Variants in HOMER2 observed in about 807,000 individuals in gnomAD.
HOMER2 encodes homer protein homolog 2.
Under a neutral mutation model 47.0 loss-of-function variants are expected in HOMER2, and 27 were observed. The observed-to-expected ratio is 0.57, with a 90% CI of 0.42 to 0.79. HOMER2 has a LOEUF of 0.79. Among genes scored for constraint, HOMER2 ranks in the 30% least tolerant of loss-of-function variants. The pLI is 0.00. For synonymous variants in HOMER2, 161 were observed against 163.8 expected, an observed-to-expected ratio of 0.98 and a Z score of 0.13; for missense variants, 443 against 435.0, an observed-to-expected ratio of 1.02 and a Z score of -0.16.
chr15:82,952,889 T>C (rs1337305678), upstream of HOMER2, among the ~76,000 whole-genome samples: 1 of 151,768 alleles, frequency 6.6e-6, no homozygotes, highest in Non-Finnish European at 1.5e-5. Flanking sequence ...AGCCGCGCAG[T>C]CGCCGCTTTT....
chr15:82,941,166 G>A (rs1029685708), intron 1 of HOMER2, among the ~76,000 whole-genome samples: 1 of 151,878 alleles, frequency 6.6e-6, no homozygotes, highest in African/African-American at 2.4e-5. Context: ...TTTCCTGGCT[G>A]GGTACAGTGG....
At chr15:82,893,875 C>T (rs2151102681) in intron 1 of HOMER2, among the ~76,000 whole-genome samples, 1 of 152,306 alleles carries the variant, frequency 6.6e-6, no homozygotes, top group South Asian at 2.1e-4. Flanking sequence ...GATCCTCCCA[C>T]ATTAGCCTCT....
chr15:82,936,647 G>A (rs766494456), intron 1 of HOMER2, among the ~76,000 whole-genome samples: 2 of 151,964 alleles, frequency 1.3e-5, no homozygotes, highest in African/African-American at 2.4e-5. Context: ...ATCTCAGCTC[G>A]CTGCAACCTC....
At chr15:82,893,912 T>G (rs766603930) in intron 1 of HOMER2, among the ~76,000 whole-genome samples, 4 of 152,192 alleles carry the variant, frequency 2.6e-5, no homozygotes, top group Non-Finnish European at 5.9e-5. Flanking sequence ...AATCCCAGCA[T>G]GAGCCATTAT....
At chr15:82,963,372 G>A (rs948324992) in intron 1 of HOMER2, among the ~76,000 whole-genome samples, 3 of 152,086 alleles carry the variant, frequency 2.0e-5, no homozygotes, top group South Asian at 2.1e-4. Flanking sequence ...TTACAGGCAT[G>A]AGCCACCGCA....
chr15:82,976,678 G>GTTT (rs11422973), intron 1 of HOMER2, among the ~76,000 whole-genome samples: 19 of 125,136 alleles, frequency 1.5e-4, no homozygotes, highest in Admixed American at 2.7e-4. Context: ...TTTGTGTGTG[G>GTTT]TTTTTTTTTT....
chr15:82,874,219 T>A (rs951823468), intron 3 of HOMER2, among the ~76,000 whole-genome samples: 2 of 152,302 alleles, frequency 1.3e-5, no homozygotes, highest in African/African-American at 4.8e-5. Flanking sequence ...AGCAAGGGTC[T>A]AGAGAAAAAC....
chr15:82,868,541 A>ATATATATTTTTTTTTTTTTTTTTTT, intron 3 of HOMER2, among the ~76,000 whole-genome samples: 1 of 71,290 alleles, frequency 1.4e-5, no homozygotes, highest in Non-Finnish European at 2.8e-5. Context: ...ATATATATAT[A>ATATATATTTTTTTTTTTTTTTTTTT]TTTTTTTTTT....
At chr15:82,915,961 T>C (rs917243768) in intron 1 of HOMER2, among the ~76,000 whole-genome samples, 6 of 152,248 alleles carry the variant, frequency 3.9e-5, no homozygotes, top group South Asian at 4.1e-4. Context: ...CATGGAAAGA[T>C]GGTCTTCTTT....
At chr15:82,848,466 C>T (rs553633456), downstream of HOMER2, among the ~76,000 whole-genome samples, 3 of 152,304 alleles carry the variant, frequency 2.0e-5, no homozygotes, top group East Asian at 1.9e-4. Context: ...CCCACAGGCC[C>T]GCTGGCCCCA....
At chr15:82,916,179 C>T (rs1466759485) in intron 1 of HOMER2, among the ~76,000 whole-genome samples, 1 of 152,190 alleles carries the variant, frequency 6.6e-6, no homozygotes. Flanking sequence ...TCATGGGTTC[C>T]AGAATTCCAA....
At chr15:82,940,753 T>C (rs115498235) in intron 1 of HOMER2, among the ~76,000 whole-genome samples, 10,186 of 151,658 alleles carry the variant, frequency 0.067, 683 homozygotes, top group African/African-American at 0.17. Flanking sequence ...ATTAGCTGTG[T>C]ATGGTGGCAT....
At chr15:82,900,903 T>C (rs2053092801) in intron 1 of HOMER2, among the ~76,000 whole-genome samples, 1 of 152,202 alleles carries the variant, frequency 6.6e-6, no homozygotes, top group Non-Finnish European at 1.5e-5. Context: ...GAAATACTTG[T>C]CACAAATCCT....
At position 82,868,517 on chromosome 15, in the gene HOMER2, TTTATTTTATATATATATATATATA is replaced by T. The variant is rs1206761523; in HGVS notation, c.295-4282_295-4259del. 7.0e-5 allele frequency among the ~76,000 whole-genome samples: 3 copies of T among 43,034 alleles called. No homozygotes were observed. In the East Asian group the frequency reaches 2.8e-3, roughly 40 times the overall value. The allele number at this position is 43,034 out of a possible 152,430, so 28.2% of individuals were successfully genotyped here. ...TTACATAAGTTATATATATCACTTA[TTTATTTTATATATATATATATATA>T]TTTTTTTTTTTTTTTTTCCCCTTTT... is the stretch of plus-strand genomic sequence containing the variant. On this transcript the variant is annotated intron_variant, in intron 3 of 8. Coordinates refer to ENST00000450735, the MANE Select transcript of HOMER2 (RefSeq NM_004839.4).
intron 3 of HOMER2, among the ~76,000 whole-genome samples, chr15:82,870,394 C>T (rs900385576): frequency 5.9e-5 from 9 of 152,102 alleles, no homozygotes; most frequent in Admixed American, 3.3e-4. Flanking sequence ...TCCTCCCTCT[C>T]GCCAAGAATG....
At chr15:82,842,546 T>C (rs2051187847) in exon 2 of HOMER2, 1 of 150,270 alleles carries the variant, frequency 6.7e-6, no homozygotes, top group African/African-American at 2.4e-5. Flanking sequence ...ACTCCTGATC[T>C]CAGGTGATCC....
intron 3 of HOMER2, among the ~76,000 whole-genome samples, chr15:82,870,583 T>G (rs1038636472): frequency 2.2e-4 from 33 of 152,234 alleles, no homozygotes; most frequent in African/African-American, 7.2e-4. Context: ...CCCATGTATT[T>G]AAGCACGGTG....
At chr15:82,889,020 GA>G (rs781660333) in intron 2 of HOMER2, among the ~76,000 whole-genome samples, 49 of 152,256 alleles carry the variant, frequency 3.2e-4, no homozygotes, top group Non-Finnish European at 5.7e-4. Context: ...TGAGAGGAAC[GA>G]ATGGCCCAGA....
intron 1 of HOMER2, among the ~76,000 whole-genome samples, chr15:82,974,942 C>T (rs141538889): frequency 0.034 from 5,235 of 151,986 alleles, 274 homozygotes; most frequent in African/African-American, 0.12. Context: ...TGGTGGTGGG[C>T]GCCTGTAATC....
Sources: allele counts gnomAD v4.1 joint callset (sites outside exome capture counted in the v4.1 genomes callset), GRCh38; gene constraint gnomAD v4.1.1; transcripts MANE v1.5; gene names NCBI Gene and HGNC (gene_info 2026-07-23, HGNC 2026-07-21).